The following KDM4B variants were observed in gnomAD, a reference collection of about 807,000 sequenced individuals.
KDM4B encodes the protein lysine-specific demethylase 4B.
KDM4B carries 32 observed loss-of-function variants against 125.2 expected under a neutral mutation model. The observed-to-expected ratio is 0.26, with a 90% CI of 0.19 to 0.34. The LOEUF (loss-of-function observed/expected upper bound fraction) is 0.34, where lower values mean the gene tolerates loss of function less well. Ranked by LOEUF, KDM4B falls within the 10% of genes least tolerant of loss-of-function variation. KDM4B has a pLI of 1.00. For synonymous variants in KDM4B, 721 were observed against 677.9 expected (o/e 1.06, Z -0.99); for missense variants, 1,190 against 1,577.7 (o/e 0.75, Z 4.16).
chr19:5,009,065 C>T (rs1204914462), intron 1 of KDM4B, among the ~76,000 whole-genome samples: 1 of 151,828 alleles, frequency 6.6e-6, no homozygotes, highest in African/African-American at 2.4e-5. Context: ...CAGGTGGATG[C>T]CACCACGCTC....
intron 4 of KDM4B, 64 bp downstream of exon 4, chr19:5,040,075 C>T (rs1442508868): frequency 1.3e-6 from 2 of 1,499,434 alleles, no homozygotes; most frequent in Non-Finnish European, 1.8e-6. Context: ...TCATGGGGGC[C>T]CTGGGGGCAG....
intron 1 of KDM4B, among the ~76,000 whole-genome samples, chr19:5,005,862 C>T (rs1351257039): frequency 6.6e-6 from 1 of 152,100 alleles, no homozygotes; most frequent in Non-Finnish European, 1.5e-5. Flanking sequence ...CCCTGGGGGT[C>T]TAAGTGATAT....
chr19:5,020,205 A>G (rs1232984974), intron 2 of KDM4B, among the ~76,000 whole-genome samples: 87 of 76,396 alleles, frequency 1.1e-3, no homozygotes, highest in Middle Eastern at 0.011. Flanking sequence ...TGGTGTGGAT[A>G]TTGGTGTGCA....
chr19:5,125,752 G>A (rs1233330849), intron 11 of KDM4B, among the ~76,000 whole-genome samples: 2 of 152,164 alleles, frequency 1.3e-5, no homozygotes, highest in African/African-American at 2.4e-5. Context: ...TGCCCAGGGA[G>A]GGCTCAGGAC....
intron 2 of KDM4B, among the ~76,000 whole-genome samples, chr19:5,025,151 G>A (rs769899653): frequency 2.6e-5 from 4 of 152,212 alleles, no homozygotes; most frequent in African/African-American, 4.8e-5. Context: ...TTCATGGTAA[G>A]CTGGAGGCCC....
In KDM4B at chr19:5,087,174, G is replaced by A. The variant is rs1424346051; in HGVS notation, c.918+4670G>A. Among the ~76,000 whole-genome samples, 11 of 152,260 alleles carry A rather than the reference G, an allele frequency of 7.2e-5. No individual in the cohort carries two copies. In the East Asian group the frequency reaches 2.1e-3, roughly 29 times the overall value. ...ACTCCCCATCAGCAGAATGCCGTGG[G>A]CACACGGAGGCCATTGTCAAGGAGG... On this transcript the variant is annotated intron_variant, in intron 9 of 22. Coordinates refer to ENST00000159111, the MANE Select transcript of KDM4B (RefSeq NM_015015.3).
chr19:5,098,268 A>G (rs1166426948), intron 9 of KDM4B, among the ~76,000 whole-genome samples: 1 of 152,174 alleles, frequency 6.6e-6, no homozygotes, highest in Non-Finnish European at 1.5e-5. Flanking sequence ...GGCATTCAGT[A>G]TGTTTTTTAT....
chr19:4,991,694 A>G (rs2145380765), intron 1 of KDM4B, among the ~76,000 whole-genome samples: 2 of 152,252 alleles, frequency 1.3e-5, no homozygotes, highest in African/African-American at 4.8e-5. Context: ...CACAGATTCC[A>G]GGAACCACCA....
intron 1 of KDM4B, among the ~76,000 whole-genome samples, chr19:4,993,410 A>AG (rs1197172663): frequency 4.1e-5 from 5 of 122,038 alleles, no homozygotes; most frequent in East Asian, 4.1e-4. Flanking sequence ...CTCCATCTCA[A>AG]GGGAAAAAAA....
chr19:5,127,487 C>T (rs2039469070), intron 11 of KDM4B, among the ~76,000 whole-genome samples: 1 of 152,208 alleles, frequency 6.6e-6, no homozygotes, highest in Non-Finnish European at 1.5e-5. Context: ...TTTGAGAATC[C>T]AGGGCACCAG....
intron 5 of KDM4B, among the ~76,000 whole-genome samples, chr19:5,044,418 G>A (rs1221963056): frequency 6.6e-6 from 1 of 150,614 alleles, no homozygotes; most frequent in African/African-American, 2.5e-5. Flanking sequence ...CTTATCCCAC[G>A]CGGTGTTTAT....
intron 10 of KDM4B, chr19:5,112,187 A>G: frequency 4.2e-6 from 1 of 240,776 alleles, no homozygotes. Context: ...CAGGAGGTCA[A>G]GGCTGCAGTG....
At chr19:5,077,554 A>G (rs893537454) in intron 8 of KDM4B, 84 bp downstream of exon 8, 8 of 1,167,940 alleles carry the variant, frequency 6.8e-6, no homozygotes, top group Non-Finnish European at 1.0e-5. Context: ...CCCAGGAGAT[A>G]AGCTGTTTAA....
At position 5,144,390 on chromosome 19, in the gene KDM4B, A is replaced by G. The variant is rs1490645823; in HGVS notation, c.2879A>G (p.Asn960Ser). 2.0e-6 allele frequency: 3 copies of G among 1,496,516 alleles called. No individual in the cohort carries two copies. The highest frequency in any genetic ancestry group is 1.4e-5 in the African/African-American group (1 of 72,022). The allele number at this position is 1,496,516 out of a possible 1,614,324, so 92.7% of individuals were successfully genotyped here. Residue 960 changes from asparagine (N) to serine (S), a missense_variant, in exon 20 of 23, where the codon AAC becomes AGC. By Grantham distance (46) the Asn-to-Ser change is conservative (BLOSUM62 1). Coordinates refer to ENST00000159111, the MANE Select transcript of KDM4B (RefSeq NM_015015.3). ...TTCGACGATGGCTCCTACAGCGACAACCTGTACCCTGAGAGCATCACGGTG... is the reference window on the plus strand; with the variant it reads ...TTCGACGATGGCTCCTACAGCGACAGCCTGTACCCTGAGAGCATCACGGTG... ...VNFDDGSYSDNLYPESITSRD... is the reference protein window; with the variant it reads ...VNFDDGSYSDSLYPESITSRD...
At chr19:5,122,445 CA>C (rs1348314308) in intron 11 of KDM4B, among the ~76,000 whole-genome samples, 1 of 152,226 alleles carries the variant, frequency 6.6e-6, no homozygotes, top group African/African-American at 2.4e-5. Flanking sequence ...CCTTTGGGGT[CA>C]TTCCTCTGCC....
intron 1 of KDM4B, among the ~76,000 whole-genome samples, chr19:5,006,129 G>C (rs1474134907): frequency 6.6e-6 from 1 of 152,006 alleles, no homozygotes; most frequent in Non-Finnish European, 1.5e-5. Context: ...GATGGTGCTG[G>C]TCCCGCCTCC....
chr19:5,060,433 C>CAAAAAAAAAAAAAAAAAA (rs901472663), intron 6 of KDM4B, among the ~76,000 whole-genome samples: 17 of 32,978 alleles, frequency 5.2e-4, no homozygotes, highest in Admixed American at 9.7e-4. Flanking sequence ...ACTCTGTCTC[C>CAAAAAAAAAAAAAAAAAA]AAAAAAAAAA....
chr19:5,052,781 C>T (rs1052978959), intron 6 of KDM4B, among the ~76,000 whole-genome samples: 1 of 152,200 alleles, frequency 6.6e-6, no homozygotes, highest in Non-Finnish European at 1.5e-5. Context: ...GCCTGAAGGC[C>T]CATGGGGTAG....
At chr19:4,998,082 G>A (rs1191161457) in intron 1 of KDM4B, among the ~76,000 whole-genome samples, 5 of 152,224 alleles carry the variant, frequency 3.3e-5, no homozygotes, top group African/African-American at 1.2e-4. Flanking sequence ...CTCCTGACTG[G>A]GTGGGAGCCT....
Sources: gnomAD v4.1 joint callset for allele counts (sites outside exome capture counted in the v4.1 genomes callset) on GRCh38, gnomAD v4.1.1 for gene constraint, MANE v1.5 for transcripts, NCBI Gene and HGNC (gene_info 2026-07-23, HGNC 2026-07-21) for gene names.